The following ACSL5 variants were observed in gnomAD, a reference collection of about 807,000 sequenced individuals.
The protein encoded by ACSL5 is long-chain-fatty-acid--CoA ligase 5.
Under a neutral mutation model 84.9 loss-of-function variants are expected in ACSL5, and 50 were observed. The ratio of observed to expected loss-of-function variants is 0.59; its 90% CI spans 0.47 to 0.75. ACSL5 has a LOEUF of 0.75. ACSL5 is among the 30% of genes least tolerant of loss of function. The pLI is 0.00. For synonymous variants in ACSL5, 280 were observed against 300.7 expected (o/e 0.93, Z 0.71); for missense variants, 775 against 830.4 (o/e 0.93, Z 0.82).
Position 112,424,128 on chromosome 10 carries a change from G to A in ACSL5, c.1594-1210G>A, listed in dbSNP as rs1844582066. ...CTAAATCAAGTGTTTGCAGAGGCTA[G>A]TGTTTGTCTCTCATTGACCTTCACA... On this transcript the variant is annotated intron_variant, in intron 17 of 20. Coordinates refer to ENST00000354655, the MANE Select transcript of ACSL5 (RefSeq NM_203379.2). Among the ~76,000 whole-genome samples, 4 of 152,238 alleles carry A rather than the reference G, an allele frequency of 2.6e-5. No homozygotes were observed. The South Asian group carries it at 8.3e-4, about 32-fold the overall frequency.
intron 13 of ACSL5, 87 bp from the exon 14 acceptor site, chr10:112,417,759 T>A: frequency 2.0e-6 from 2 of 994,564 alleles, no homozygotes; most frequent in South Asian, 2.6e-5. Context: ...ATAACAACGC[T>A]GCACAGGCTA....
At chr10:112,398,317 G>A (rs111241051) in intron 2 of ACSL5, among the ~76,000 whole-genome samples, 1 of 1,780 alleles carries the variant, frequency 5.6e-4, no homozygotes. Context: ...CGCCCGCCTC[G>A]GCCTCCCAAA....
chr10:112,404,971 A>T (rs77616403), intron 5 of ACSL5, among the ~76,000 whole-genome samples, 165 bp downstream of exon 5: 3 of 152,112 alleles, frequency 2.0e-5, no homozygotes, highest in Non-Finnish European at 4.4e-5. Context: ...CTCAGAACCT[A>T]TTTAATTTCT....
rs558254093 is a variant in ACSL5 at position 112,422,514 on chromosome 10, G to A, written c.1593+73G>A. 9.9e-6 allele frequency: 14 copies of A among 1,409,324 alleles called. No homozygotes were observed. In the African/African-American group the frequency reaches 1.6e-4, roughly 16 times the overall value. 87.3% of individuals were successfully genotyped at this position (1,409,324 alleles called of 1,614,324 possible). A position where few individuals can be genotyped will look rare whatever the true frequency, so the allele number is the denominator to read the frequency against. On this transcript the variant is annotated intron_variant, in intron 17 of 20. Transcript: ENST00000354655. Reference sequence around the variant, plus strand: ...AAGAACAATCTGCTTATAGCAAGAGGTGCAGAAATGCAAGTAGGTTAATCA... The same window carrying A: ...AAGAACAATCTGCTTATAGCAAGAGATGCAGAAATGCAAGTAGGTTAATCA...
At chr10:112,375,860 G>A (rs1849228060) in intron 1 of ACSL5, among the ~76,000 whole-genome samples, 1 of 152,230 alleles carries the variant, frequency 6.6e-6, no homozygotes, top group Non-Finnish European at 1.5e-5. Flanking sequence ...CGACTGGAGA[G>A]AGGCGGGGTA....
chr10:112,422,301 C>T, intron 16 of ACSL5, 24 bp from the exon 17 acceptor site: 6 of 1,598,496 alleles, frequency 3.8e-6, no homozygotes, highest in Non-Finnish European at 5.1e-6. Flanking sequence ...GCTATTGTCA[C>T]CGCCTTGTAT....
intron 1 of ACSL5, among the ~76,000 whole-genome samples, chr10:112,381,120 G>T (rs1267857502): frequency 6.6e-6 from 1 of 152,054 alleles, no homozygotes; most frequent in East Asian, 1.9e-4. Flanking sequence ...AAAGCCAGGG[G>T]GTCAAGGATC....
intron 1 of ACSL5, chr10:112,376,211 T>C: frequency 6.7e-7 from 1 of 1,490,340 alleles, no homozygotes; most frequent in Admixed American, 2.1e-5. Flanking sequence ...AACCAGGAAG[T>C]GAAGTCCCCG....
chr10:112,395,173 T>C (rs1843720803), intron 2 of ACSL5, 71 bp downstream of exon 2: 1 of 1,474,330 alleles, frequency 6.8e-7, no homozygotes, highest in Non-Finnish European at 9.3e-7. Context: ...AACCTAGGGA[T>C]AGCTCATGAA....
At chr10:112,410,553 G>GTGGA in intron 8 of ACSL5, 31 bp from the exon 9 acceptor site, 1 of 1,614,104 alleles carries the variant, frequency 6.2e-7, no homozygotes, top group Non-Finnish European at 8.5e-7. Flanking sequence ...AAAGTTCATG[G>GTGGA]TGGAATAAGC....
rs138653304 is a variant in ACSL5 at position 112,394,985 on chromosome 10, G to A, written c.39G>A (p.Pro13=). 1.1e-4 allele frequency: 172 copies of A among 1,613,084 alleles called. No individual in the cohort carries two copies. Among genetic ancestry groups the A allele is most frequent in the Non-Finnish European group, 1.3e-4 (159 of 1,179,936 alleles). Residue 13 remains proline, a synonymous_variant, in exon 2 of 21, where the codon CCG becomes CCA. Transcript: ENST00000354655. ...TTAACTTTTTGTTTTCCCCACTTCC[G>A]ACCCCGGCGTTGATCTGCATCCTGA... The part of the protein sequence containing the change: ...FIFNFLFSPL[P]TPALICILTF...
chr10:112,407,867 C>A (rs1844081561), intron 5 of ACSL5, among the ~76,000 whole-genome samples: 1 of 152,154 alleles, frequency 6.6e-6, no homozygotes, highest in Non-Finnish European at 1.5e-5. Flanking sequence ...CCTTCCATAC[C>A]TCTTACGGAT....
At chr10:112,381,701 G>A (rs1194236433) in intron 1 of ACSL5, among the ~76,000 whole-genome samples, 1 of 151,108 alleles carries the variant, frequency 6.6e-6, no homozygotes, top group Admixed American at 6.6e-5. Flanking sequence ...GGGTGCGGTG[G>A]CTCACACCTG....
rs1217874311 is a variant in ACSL5, at chr10:112,426,784, T to G, written c.1840-4T>G. ...ATGCTTTAAGTGATGTTTTGTATTC[T>G]TAGGTTGTAAGGGAAGCCATTTTAG... On this transcript the variant is annotated splice_region_variant and splice_polypyrimidine_tract_variant and intron_variant, in intron 19 of 20. Transcript: ENST00000354655. 1 of 1,613,746 alleles carries G rather than the reference T, an allele frequency of 6.2e-7. No homozygotes were observed. The highest frequency in any genetic ancestry group is 8.5e-7 in the Non-Finnish European group (1 of 1,179,676).
chr10:112,419,087 A>C (rs1844393461), intron 14 of ACSL5, among the ~76,000 whole-genome samples: 1 of 134,366 alleles, frequency 7.4e-6, no homozygotes. Flanking sequence ...GGTCAAAGTA[A>C]TACACACAAT....
intron 1 of ACSL5, among the ~76,000 whole-genome samples, chr10:112,379,689 G>A (rs1290251065): frequency 1.3e-5 from 2 of 152,122 alleles, no homozygotes; most frequent in Non-Finnish European, 2.9e-5. Context: ...GTACAGTGGC[G>A]GGGAACTGAT....
intron 13 of ACSL5, among the ~76,000 whole-genome samples, chr10:112,417,630 G>A (rs1160761416): frequency 2.0e-5 from 3 of 152,272 alleles, no homozygotes; most frequent in African/African-American, 7.2e-5. Context: ...ATGGCTTCTG[G>A]TCCCAGCTAT....
chr10:112,391,308 T>A (rs975054065), intron 1 of ACSL5, among the ~76,000 whole-genome samples: 10 of 151,230 alleles, frequency 6.6e-5, no homozygotes, highest in Non-Finnish European at 1.5e-4. Context: ...AGGCAGAGGT[T>A]GCAATCAGCC....
chr10:112,402,585 A>T (rs1246229823), intron 3 of ACSL5, among the ~76,000 whole-genome samples: 1 of 152,178 alleles, frequency 6.6e-6, no homozygotes, highest in African/African-American at 2.4e-5. Flanking sequence ...AGCTGTTTCA[A>T]TTGGAAGCAA....
Sources: allele counts gnomAD v4.1 joint callset (sites outside exome capture counted in the v4.1 genomes callset), GRCh38; gene constraint gnomAD v4.1.1; transcripts MANE v1.5; gene names NCBI Gene and HGNC (gene_info 2026-07-23, HGNC 2026-07-21).